The following MMUT variants were observed in gnomAD, a reference collection of about 807,000 sequenced individuals.
The protein encoded by MMUT is methylmalonyl-CoA mutase.
MMUT carries 79 observed loss-of-function variants against 79.9 expected under a neutral mutation model. That is an observed-to-expected ratio of 0.99 (90% CI 0.82 to 1.19). The LOEUF (loss-of-function observed/expected upper bound fraction) is 1.19, where lower values mean the gene tolerates loss of function less well. Among genes scored for constraint, MMUT ranks in the 50% most tolerant of loss-of-function variants. The probability of loss-of-function intolerance (pLI) is 0.00; values close to 1 mark genes in which losing one functional copy is unlikely to be tolerated. For synonymous variants in MMUT, 273 were observed against 295.7 expected (o/e 0.92, Z 0.79); for missense variants, 860 against 917.2 (o/e 0.94, Z 0.81).
At chr6:49,462,012 C>T (rs1280186276) in intron 1 of MMUT, among the ~76,000 whole-genome samples, 2 of 152,136 alleles carry the variant, frequency 1.3e-5, no homozygotes, top group African/African-American at 2.4e-5. Flanking sequence ...TTCACGTGGG[C>T]TTTCCTAAAT....
At chr6:49,462,195 A>G (rs1561961357) in intron 1 of MMUT, among the ~76,000 whole-genome samples, 4 of 152,236 alleles carry the variant, frequency 2.6e-5, no homozygotes. Context: ...AAGCATTCAA[A>G]GAAGCAACAT....
intron 12 of MMUT, 65 bp downstream of exon 12, chr6:49,435,391 C>T (rs1428707833): frequency 2.1e-6 from 3 of 1,459,088 alleles, no homozygotes; most frequent in Admixed American, 3.4e-5. Flanking sequence ...TCTTTAGAAC[C>T]ACAAATAAGC....
intron 11 of MMUT, among the ~76,000 whole-genome samples, chr6:49,439,587 A>C (rs1767217595): frequency 6.6e-6 from 1 of 152,170 alleles, no homozygotes; most frequent in African/African-American, 2.4e-5. Flanking sequence ...AGTAACACAG[A>C]GTAACACATT....
intron 7 of MMUT, 77 bp from the exon 8 acceptor site, chr6:49,447,862 T>C: frequency 2.4e-6 from 2 of 825,430 alleles, no homozygotes; most frequent in South Asian, 3.0e-5. Context: ...TGTATTTTCC[T>C]TATAAATTTA....
chr6:49,433,757 C>T (rs573803645), intron 12 of MMUT, among the ~76,000 whole-genome samples: 11 of 152,258 alleles, frequency 7.2e-5, no homozygotes, highest in African/African-American at 2.6e-4. Context: ...ATATTAGTGC[C>T]TTCTAATTTA....
intron 8 of MMUT, 90 bp from the exon 9 acceptor site, chr6:49,444,844 C>T: frequency 2.2e-6 from 2 of 895,734 alleles, no homozygotes; most frequent in Non-Finnish European, 1.8e-6. Context: ...TAGCATATGG[C>T]ATTTTTTTCC....
rs770946713 is a variant in MMUT, at chr6:49,451,684, T to C, written c.1114A>G (p.Ile372Val). The change falls in exon 6 of 13, where the codon ATA becomes GTA. Residue 372 changes from isoleucine to valine, a missense_variant. Coordinates refer to ENST00000274813, the MANE Select transcript of MMUT (RefSeq NM_000255.4). ...DPYNNIVRTA[I>V]EAMAAVFGGT... Reference sequence around the variant, plus strand: ...CCAAATACTGCTGCCATTGCTTCTATTGCAGTACGGACAATATTATTGTAG... The same window carrying C: ...CCAAATACTGCTGCCATTGCTTCTACTGCAGTACGGACAATATTATTGTAG... The C allele has an allele frequency of 5.6e-6, 9 of 1,613,988 alleles. No homozygotes were observed. The East Asian group carries it at 8.9e-5, about 16-fold the overall frequency.
In MMUT at chr6:49,435,499, C is replaced by A. The variant is rs756225782; in HGVS notation, c.2081G>T (p.Arg694Leu). The A allele has an allele frequency of 1.9e-6, 3 of 1,614,060 alleles. No homozygotes were observed. The highest frequency in any genetic ancestry group is 2.5e-6 in the Non-Finnish European group (3 of 1,180,004). Reference sequence around the variant, plus strand: ...TCCACACATGACAAGAATATCTGGCCGTCCAAGGGAGTTAAGTTCTTTGAT... The same window carrying A: ...TCCACACATGACAAGAATATCTGGCAGTCCAAGGGAGTTAAGTTCTTTGAT... ...ELIKELNSLG[R>L]PDILVMCGGV... The change falls in exon 12 of 13, where the codon CGG becomes CTG. Residue 694 changes from arginine (R) to leucine (L), a missense_variant. Physicochemically the swap from Arg to Leu is moderately radical, Grantham distance 102. Transcript: ENST00000274813.
intron 4 of MMUT, among the ~76,000 whole-genome samples, chr6:49,455,591 C>T (rs572419814): frequency 2.0e-5 from 3 of 152,298 alleles, no homozygotes; most frequent in South Asian, 2.1e-4. Context: ...GAATGACTTT[C>T]GACTTCCAAA....
rs1160403942 is a variant in MMUT at position 49,455,323 on chromosome 6, G to A, written c.911+757C>T. Among the ~76,000 whole-genome samples the A allele has an allele frequency of 2.0e-5, 3 of 152,134 alleles. No individual in the cohort carries two copies. The South Asian group carries it at 6.2e-4, about 32-fold the overall frequency. ...AATGAAAGTGAAAAAGGCAAATAAA[G>A]CTCTAACATAAGCATAAAAACAGTT... On this transcript the variant is annotated intron_variant, in intron 4 of 12. Coordinates refer to ENST00000274813, the MANE Select transcript of MMUT (RefSeq NM_000255.4).
At chr6:49,431,932 T>TATC in intron 12 of MMUT, 76 bp from the exon 13 acceptor site, 1 of 1,531,936 alleles carries the variant, frequency 6.5e-7, no homozygotes, top group Non-Finnish European at 9.0e-7. Context: ...TCCTTTCTTC[T>TATC]TTGTCACTCA....
intron 11 of MMUT, 87 bp from the exon 12 acceptor site, chr6:49,435,710 T>A: frequency 7.2e-7 from 1 of 1,385,304 alleles, no homozygotes; most frequent in South Asian, 1.3e-5. Flanking sequence ...GGCAATACCA[T>A]TCAGAACATA....
At chr6:49,451,769 A>G in intron 5 of MMUT, 55 bp from the exon 6 acceptor site, 1 of 1,546,826 alleles carries the variant, frequency 6.5e-7, no homozygotes, top group Non-Finnish European at 8.9e-7. Flanking sequence ...AGATATTGCA[A>G]CTATAAACAG....
Position 49,431,444 on chromosome 6 carries a change from T to C in MMUT, c.*284A>G, listed in dbSNP as rs1766969370. 1 of 217,778 alleles carries C rather than the reference T, an allele frequency of 4.6e-6. No homozygotes were observed. The highest frequency in any genetic ancestry group is 2.3e-5 in the African/African-American group (1 of 43,030). 13.5% of individuals were successfully genotyped at this position (217,778 alleles called of 1,614,324 possible). On this transcript the variant is annotated 3_prime_UTR_variant, in exon 13 of 13. Transcript: ENST00000274813. ...TATAAGAAACATTCTAATAAATACA[T>C]CACCATGATTTTTAAAAATAATACC...
chr6:49,452,001 TTTTTCTACTTAA>T (rs1298204553), intron 5 of MMUT, among the ~76,000 whole-genome samples: 2 of 152,188 alleles, frequency 1.3e-5, no homozygotes, highest in Non-Finnish European at 2.9e-5. Flanking sequence ...CAATGCATTC[TTTTTCTACTTAA>T]GATTATATAG....
At chr6:49,433,294 G>A (rs986479883) in intron 12 of MMUT, among the ~76,000 whole-genome samples, 16 of 152,252 alleles carry the variant, frequency 1.1e-4, no homozygotes, top group African/African-American at 3.9e-4. Flanking sequence ...CCTGACATCT[G>A]AGTTATGGAT....
intron 4 of MMUT, 60 bp from the exon 5 acceptor site, chr6:49,453,816 A>T: frequency 7.2e-7 from 1 of 1,392,494 alleles, no homozygotes; most frequent in Non-Finnish European, 1.0e-6. Context: ...AGCAGAAAAT[A>T]AAACTAATTG....
In MMUT at chr6:49,447,764, A is replaced by T. The variant is rs747558018; in HGVS notation, c.1466T>A (p.Val489Glu). 4.4e-6 allele frequency: 7 copies of T among 1,608,756 alleles called. 1 individual carries two copies. The South Asian group carries it at 6.6e-5, about 15-fold the overall frequency. ...TTCTTTTTCCAACTGGTACTTATTT[A>T]CTCCAACAATTACTTCAGAACCTGG... ...IDSGSEVIVG[V>E]NKYQLEKEDA... is the part of the protein sequence containing the mutation. Residue 489 changes from valine to glutamate, a missense_variant, in exon 8 of 13, where the codon GTA becomes GAA. Val to Glu is a moderately radical substitution (Grantham distance 121). Transcript: ENST00000274813.
intron 9 of MMUT, 107 bp from the exon 10 acceptor site, chr6:49,442,078 CTG>C (rs1447787037): frequency 1.2e-5 from 15 of 1,239,112 alleles, no homozygotes; most frequent in African/African-American, 4.7e-5. Flanking sequence ...AAGTAAATGA[CTG>C]TAAAAATGTA....
Sources: allele counts gnomAD v4.1 joint callset (sites outside exome capture counted in the v4.1 genomes callset), GRCh38; gene constraint gnomAD v4.1.1; transcripts MANE v1.5; gene names NCBI Gene and HGNC (gene_info 2026-07-23, HGNC 2026-07-21).